The following DGKB variants were observed in gnomAD, a reference collection of about 807,000 sequenced individuals.
DGKB encodes the protein 90 kDa diacylglycerol kinase.
Under a neutral mutation model 114.3 loss-of-function variants are expected in DGKB, and 67 were observed. That is an observed-to-expected ratio of 0.59 (90% CI 0.48 to 0.72). DGKB has a LOEUF of 0.72. Among genes scored for constraint, DGKB ranks in the 30% least tolerant of loss-of-function variants. DGKB has a pLI of 0.00. For synonymous variants in DGKB, 398 were observed against 323.1 expected, an observed-to-expected ratio of 1.23 and a Z score of -2.49; for missense variants, 907 against 975.2, an observed-to-expected ratio of 0.93 and a Z score of 0.93.
intron 22 of DGKB, among the ~76,000 whole-genome samples, chr7:14,343,921 CAT>C (rs1476557903): frequency 1.4e-5 from 2 of 146,052 alleles, no homozygotes; most frequent in African/African-American, 5.0e-5. Flanking sequence ...TTATATATGT[CAT>C]ATATTATTAT....
At chr7:14,223,375 A>T (rs1279660052) in intron 23 of DGKB, among the ~76,000 whole-genome samples, 1 of 151,690 alleles carries the variant, frequency 6.6e-6, no homozygotes, top group Non-Finnish European at 1.5e-5. Context: ...AATTCCAGTG[A>T]GATATAGAAC....
At chr7:14,829,854 A>G (rs1183844469) in intron 2 of DGKB, among the ~76,000 whole-genome samples, 1 of 152,098 alleles carries the variant, frequency 6.6e-6, no homozygotes, top group Admixed American at 6.6e-5. Flanking sequence ...GTGCCTCATA[A>G]GTGGCTTGTG....
intron 1 of DGKB, among the ~76,000 whole-genome samples, chr7:14,898,242 A>C (rs1253393882): frequency 6.6e-6 from 1 of 152,058 alleles, no homozygotes; most frequent in African/African-American, 2.4e-5. Flanking sequence ...AATTACAGAG[A>C]GCCAAATGTA....
In DGKB at chr7:14,729,348, T is replaced by C. The variant is rs1405008335; in HGVS notation, c.322+6693A>G. ...CGTGTTAGCCAGGATGGTCTCGATC[T>C]CCTGACCTTGTGATTCGCCCACCTT... On this transcript the variant is annotated intron_variant, in intron 5 of 25. Transcript: ENST00000402815. Among the ~76,000 whole-genome samples, 9 of 152,020 alleles carry C rather than the reference T, an allele frequency of 5.9e-5. No homozygotes were observed. In the East Asian group the frequency reaches 1.8e-3, roughly 30 times the overall value.
intron 20 of DGKB, among the ~76,000 whole-genome samples, chr7:14,520,599 A>G (rs1789604535): frequency 6.6e-6 from 1 of 151,766 alleles, no homozygotes; most frequent in Non-Finnish European, 1.5e-5. Context: ...TTCAAAGTAT[A>G]TTTATTTAAT....
At chr7:14,159,307 TC>T (rs1783506881) in intron 25 of DGKB, among the ~76,000 whole-genome samples, 1 of 152,160 alleles carries the variant, frequency 6.6e-6, no homozygotes, top group Admixed American at 6.6e-5. Context: ...CCTAGTTATA[TC>T]CTTCTCCTCT....
At chr7:14,669,235 T>A (rs1251811770) in intron 13 of DGKB, among the ~76,000 whole-genome samples, 1 of 152,154 alleles carries the variant, frequency 6.6e-6, no homozygotes, top group Non-Finnish European at 1.5e-5. Flanking sequence ...TAATTTCTGG[T>A]TCTGGTCGGA....
intron 21 of DGKB, among the ~76,000 whole-genome samples, chr7:14,472,169 C>G (rs1159314623): frequency 6.6e-6 from 1 of 152,276 alleles, no homozygotes; most frequent in East Asian, 1.9e-4. Context: ...CTTTGTAAGA[C>G]CACCTGATAC....
chr7:14,644,185 CCTAA>C (rs1812446244), intron 13 of DGKB, among the ~76,000 whole-genome samples: 1 of 151,406 alleles, frequency 6.6e-6, no homozygotes, highest in Non-Finnish European at 1.5e-5. Flanking sequence ...AAGCACTCTA[CCTAA>C]CTGACTCTAT....
chr7:14,199,568 A>C (rs1001087952), intron 23 of DGKB, among the ~76,000 whole-genome samples: 6 of 152,020 alleles, frequency 3.9e-5, no homozygotes, highest in Admixed American at 3.3e-4. Context: ...TAAAATCCAC[A>C]TGGTCACATT....
chr7:14,791,348 A>G (rs1840638696), intron 2 of DGKB, among the ~76,000 whole-genome samples: 1 of 152,200 alleles, frequency 6.6e-6, no homozygotes, highest in Non-Finnish European at 1.5e-5. Context: ...TTTCAAAATA[A>G]TCATGTCATC....
chr7:14,254,117 A>G (rs76185545), intron 23 of DGKB, among the ~76,000 whole-genome samples: 2,310 of 152,320 alleles, frequency 0.015, 31 homozygotes, highest in Non-Finnish European at 0.022. Context: ...TATATTCTAT[A>G]GATGAAAATT....
intron 21 of DGKB, among the ~76,000 whole-genome samples, chr7:14,364,668 T>C (rs1490053030): frequency 6.6e-6 from 1 of 152,072 alleles, no homozygotes; most frequent in African/African-American, 2.4e-5. Context: ...ATAATCACTG[T>C]TCTGCTTGCA....
chr7:14,494,345 A>G (rs1052094871), intron 20 of DGKB, among the ~76,000 whole-genome samples: 3 of 151,836 alleles, frequency 2.0e-5, no homozygotes, highest in Non-Finnish European at 2.9e-5. Context: ...GAGATTTTAG[A>G]TGCCTAACAA....
At chr7:14,823,920 C>G (rs1845300057) in intron 2 of DGKB, among the ~76,000 whole-genome samples, 1 of 152,120 alleles carries the variant, frequency 6.6e-6, no homozygotes, top group Non-Finnish European at 1.5e-5. Context: ...TAAAAACATA[C>G]CTGAGACTGG....
Position 14,437,421 on chromosome 7 carries a change from G to C in DGKB, c.1835+40740C>G, listed in dbSNP as rs141937336. Among the ~76,000 whole-genome samples, 36 of 152,098 alleles carry C rather than the reference G, an allele frequency of 2.4e-4. No individual in the cohort carries two copies. In the East Asian group the frequency reaches 6.8e-3, roughly 29 times the overall value. On this transcript the variant is annotated intron_variant, in intron 21 of 25. Transcript: ENST00000402815. ...TACCAGCTCATTGGTTTCTGGATTA[G>C]AAAAATAAAGTTAAACACAAATTGA...
intron 20 of DGKB, among the ~76,000 whole-genome samples, chr7:14,558,229 G>C (rs1301202187): frequency 6.6e-6 from 1 of 151,172 alleles, no homozygotes; most frequent in Non-Finnish European, 1.5e-5. Flanking sequence ...TTACAGCATT[G>C]TTAGTAATGA....
At chr7:14,924,507 A>G (rs1298728755) in intron 1 of DGKB, among the ~76,000 whole-genome samples, 1 of 152,144 alleles carries the variant, frequency 6.6e-6, no homozygotes, top group African/African-American at 2.4e-5. Flanking sequence ...TATATCCATT[A>G]GACTCTTTCT....
rs34722290 is a variant in DGKB, at chr7:14,256,415, CTT to C, written c.2123-78266_2123-78265del. Among the ~76,000 whole-genome samples, 54 of 151,798 alleles carry C rather than the reference CTT, an allele frequency of 3.6e-4. 1 individual carries two copies. The highest frequency in any genetic ancestry group is 1.3e-3 in the African/African-American group (54 of 41,460). ...CTTTAAATACCACTTGAAAGCCTCTCTTAAAGTTAATCTACAGTATTTTATTT... is the reference window on the plus strand; with the variant it reads ...CTTTAAATACCACTTGAAAGCCTCTCAAAGTTAATCTACAGTATTTTATTT... On this transcript the variant is annotated intron_variant, in intron 23 of 25. Coordinates refer to ENST00000402815, the MANE Select transcript of DGKB (RefSeq NM_001350709.2).
Sources: allele counts gnomAD v4.1 joint callset (sites outside exome capture counted in the v4.1 genomes callset), GRCh38; gene constraint gnomAD v4.1.1; transcripts MANE v1.5; gene names NCBI Gene and HGNC (gene_info 2026-07-23, HGNC 2026-07-21).